The following CRTC1 variants were observed in gnomAD, a reference collection of about 807,000 sequenced individuals.
The protein encoded by CRTC1 is CREB regulated transcription coactivator 1.
Under a neutral mutation model 66.1 loss-of-function variants are expected in CRTC1, and 18 were observed. The observed-to-expected ratio is 0.27, with a 90% CI of 0.19 to 0.40. The LOEUF (loss-of-function observed/expected upper bound fraction) is 0.40. Ranked by LOEUF, CRTC1 falls within the 10% of genes least tolerant of loss-of-function variation. CRTC1 has a pLI of 1.00. For missense variants in CRTC1, 669 were observed against 887.9 expected, an observed-to-expected ratio of 0.75 and a Z score of 3.13; for synonymous variants, 416 against 398.8, an observed-to-expected ratio of 1.04 and a Z score of -0.51.
intron 1 of CRTC1, among the ~76,000 whole-genome samples, chr19:18,734,965 CA>C (rs1398151769): frequency 6.6e-6 from 1 of 152,200 alleles, no homozygotes; most frequent in African/African-American, 2.4e-5. Flanking sequence ...ATGAATCGGT[CA>C]GGGGATGCTG....
chr19:18,767,294 G>C (rs1047998847), intron 9 of CRTC1, among the ~76,000 whole-genome samples: 4 of 151,974 alleles, frequency 2.6e-5, no homozygotes, highest in Admixed American at 2.6e-4. Context: ...CTGCCTCCCA[G>C]GTTCAAGCGA....
At chr19:18,712,995 A>T (rs2053426204) in intron 1 of CRTC1, among the ~76,000 whole-genome samples, 1 of 140,684 alleles carries the variant, frequency 7.1e-6, no homozygotes, top group Admixed American at 7.3e-5. Context: ...TATCCCCATC[A>T]GCAGTTACTC....
intron 1 of CRTC1, among the ~76,000 whole-genome samples, chr19:18,719,592 G>T (rs967815610): frequency 3.9e-5 from 6 of 152,228 alleles, no homozygotes; most frequent in African/African-American, 9.6e-5. Flanking sequence ...TAGCCGTCCT[G>T]GGGGGAGGCA....
At chr19:18,761,055 C>T (rs2054603223) in intron 8 of CRTC1, among the ~76,000 whole-genome samples, 1 of 152,170 alleles carries the variant, frequency 6.6e-6, no homozygotes. Context: ...CACCCTCCAC[C>T]CTCTGAACTT....
intron 6 of CRTC1, 118 bp downstream of exon 6, chr19:18,753,703 T>C (rs1314588877): frequency 1.5e-6 from 1 of 674,536 alleles, no homozygotes; most frequent in Non-Finnish European, 2.6e-6. Context: ...ACAGGGAACC[T>C]CACTCCGATT....
intron 8 of CRTC1, among the ~76,000 whole-genome samples, chr19:18,764,659 G>A (rs939237710): frequency 6.6e-6 from 1 of 152,224 alleles, no homozygotes; most frequent in Non-Finnish European, 1.5e-5. Flanking sequence ...AGGGCAGAGA[G>A]GGGGAAGGAT....
chr19:18,714,760 C>G (rs1471149735), intron 1 of CRTC1, among the ~76,000 whole-genome samples: 3 of 152,188 alleles, frequency 2.0e-5, no homozygotes, highest in African/African-American at 7.2e-5. Flanking sequence ...GTTCTCACCC[C>G]CAAATGTTGA....
At chr19:18,769,600 G>T (rs2054816636) in intron 10 of CRTC1, among the ~76,000 whole-genome samples, 1 of 152,212 alleles carries the variant, frequency 6.6e-6, no homozygotes, top group Non-Finnish European at 1.5e-5. Context: ...TCACGGAGGG[G>T]ACCACCCACG....
In CRTC1 at chr19:18,759,552, C is replaced by G; in HGVS notation, c.626C>G (p.Thr209Arg). ...LSKQAWDTKK[T>R]GSRPKSCEVP... Reference sequence around the variant, plus strand: ...AGGCTCTCCTGTCTTCTCTTTCAGACGGGGTCCAGGCCCAAGTCCTGTGAG... The same window carrying G: ...AGGCTCTCCTGTCTTCTCTTTCAGAGGGGGTCCAGGCCCAAGTCCTGTGAG... The change falls in exon 7 of 14, where the codon ACG becomes AGG. Residue 209 changes from threonine (T) to arginine (R), a missense_variant and splice_region_variant. Physicochemically the swap from Thr to Arg is moderately conservative, Grantham distance 71. Transcript: ENST00000321949. 1 of 1,612,746 alleles carries G rather than the reference C, an allele frequency of 6.2e-7. No homozygotes were observed. The highest frequency in any genetic ancestry group is 8.5e-7 in the Non-Finnish European group (1 of 1,179,558).
At position 18,683,845 on chromosome 19, in the gene CRTC1, C is replaced by T; in HGVS notation, c.126+17C>T. On this transcript the variant is annotated intron_variant, in intron 1 of 13. Transcript: ENST00000321949. ...GCCGCGCGGGTAAGGGGGCTGCCCGCGCCGACCCTTCAGGGCCGGCGGAGG... is the reference window on the plus strand; with the variant it reads ...GCCGCGCGGGTAAGGGGGCTGCCCGTGCCGACCCTTCAGGGCCGGCGGAGG... 1.6e-6 allele frequency: 2 copies of T among 1,221,522 alleles called. No homozygotes were observed. The highest frequency in any genetic ancestry group is 1.6e-5 in the African/African-American group (1 of 60,704). 75.7% of individuals were successfully genotyped at this position (1,221,522 alleles called of 1,614,324 possible). A position where few individuals can be genotyped will look rare whatever the true frequency, so the allele number is the denominator to read the frequency against.
intron 12 of CRTC1, 149 bp downstream of exon 12, chr19:18,775,135 C>T: frequency 2.6e-6 from 2 of 776,196 alleles, no homozygotes; most frequent in East Asian, 2.7e-5. Context: ...GCCCCCGCCC[C>T]GTCCCATCTG....
intron 1 of CRTC1, among the ~76,000 whole-genome samples, chr19:18,702,735 T>C (rs866994778): frequency 2.0e-5 from 3 of 151,710 alleles, no homozygotes; most frequent in Admixed American, 6.6e-5. Flanking sequence ...GGTTTCTCCA[T>C]GTTGGTCAGG....
chr19:18,688,682 C>T (rs2052749556), intron 1 of CRTC1, among the ~76,000 whole-genome samples: 2 of 152,044 alleles, frequency 1.3e-5, no homozygotes, highest in Admixed American at 1.3e-4. Context: ...AGGTGATCCG[C>T]CCACCTCGGC....
chr19:18,711,315 C>T (rs1270489150), intron 1 of CRTC1, among the ~76,000 whole-genome samples: 3 of 151,954 alleles, frequency 2.0e-5, no homozygotes, highest in Admixed American at 6.6e-5. Context: ...GACGCGTTGG[C>T]CTTGGCGGCC....
At chr19:18,695,156 C>T (rs2052954417) in intron 1 of CRTC1, among the ~76,000 whole-genome samples, 1 of 152,158 alleles carries the variant, frequency 6.6e-6, no homozygotes, top group Admixed American at 6.6e-5. Context: ...CAGGCATGAG[C>T]CAATGTGCCC....
chr19:18,766,110 AC>A lies in CRTC1; in HGVS notation c.1011+583del, dbSNP rs1168873290. On this transcript the variant is annotated intron_variant, in intron 9 of 13. Coordinates refer to ENST00000321949, the MANE Select transcript of CRTC1 (RefSeq NM_015321.3). ...TTGATGGCAGAAAATTTTTCATAAT[AC>A]TCTTTTGTAATCCTTTTTTTTTTTT... 2.1e-5 allele frequency among the ~76,000 whole-genome samples: 3 copies of A among 141,208 alleles called. No individual in the cohort carries two copies. The South Asian group carries it at 6.7e-4, about 32-fold the overall frequency. The allele number at this position is 141,208 out of a possible 152,430, so 92.6% of individuals were successfully genotyped here.
intron 5 of CRTC1, among the ~76,000 whole-genome samples, chr19:18,753,047 T>C (rs1235254491): frequency 2.0e-5 from 3 of 151,478 alleles, no homozygotes; most frequent in Non-Finnish European, 4.4e-5. Flanking sequence ...GGGCGGATCA[T>C]GAGGTCAGGA....
chr19:18,697,882 T>A (rs947312926), intron 1 of CRTC1, among the ~76,000 whole-genome samples: 19 of 152,258 alleles, frequency 1.2e-4, no homozygotes, highest in Admixed American at 2.0e-4. Flanking sequence ...AAGAGGCACT[T>A]CGTGCCCACA....
intron 1 of CRTC1, among the ~76,000 whole-genome samples, chr19:18,706,189 T>C (rs1394089700): frequency 5.7e-5 from 3 of 52,600 alleles, no homozygotes; most frequent in Non-Finnish European, 7.8e-5. Context: ...GGTCTTTTTT[T>C]TTTTTTTTTT....
Sources: allele counts gnomAD v4.1 joint callset (sites outside exome capture counted in the v4.1 genomes callset), GRCh38; gene constraint gnomAD v4.1.1; transcripts MANE v1.5; gene names NCBI Gene and HGNC (gene_info 2026-07-23, HGNC 2026-07-21).